TRIM58: variants seen among roughly 807,000 people sequenced by gnomAD.
The protein encoded by TRIM58 is E3 ubiquitin-protein ligase TRIM58.
Under a neutral mutation model 34.1 loss-of-function variants are expected in TRIM58, and 38 were observed. That is an observed-to-expected ratio of 1.12 (90% CI 0.86 to 1.46). TRIM58 has a LOEUF of 1.46. TRIM58 is among the 40% of genes most tolerant of loss of function. The pLI is 0.00. For synonymous variants in TRIM58, 273 were observed against 275.7 expected (o/e 0.99, Z 0.10); for missense variants, 677 against 642.0 (o/e 1.05, Z -0.59).
In TRIM58 at chr1:247,876,519, T is replaced by C; in HGVS notation, c.*30T>C. 6.4e-7 allele frequency: 1 copy of C among 1,566,014 alleles called. No individual in the cohort carries two copies. Among genetic ancestry groups the C allele is most frequent in the Non-Finnish European group, 8.7e-7 (1 of 1,146,790 alleles). Reference sequence around the variant, plus strand: ...CTGTTCCCAAGATGCAGTCCTAGCGTAGCGAACGTTCCTGGAGTGGGGTGA... The same window carrying C: ...CTGTTCCCAAGATGCAGTCCTAGCGCAGCGAACGTTCCTGGAGTGGGGTGA... On this transcript the variant is annotated 3_prime_UTR_variant, in exon 6 of 6. Coordinates refer to ENST00000366481, the MANE Select transcript of TRIM58 (RefSeq NM_015431.4).
In TRIM58 at chr1:247,868,071, C is replaced by T. The variant is rs1209410042; in HGVS notation, c.871+8C>T. 1 of 1,594,704 alleles carries T rather than the reference C, an allele frequency of 6.3e-7. No individual in the cohort carries two copies. The highest frequency in any genetic ancestry group is 1.3e-5 in the African/African-American group (1 of 74,804). On this transcript the variant is annotated splice_region_variant and intron_variant, in intron 5 of 5. Transcript: ENST00000366481. ...TCTTAAGGAAGTTCCAAGGTAGTTG[C>T]ATCTTAGAGACTGGGAATTAGGCTG...
intron 2 of TRIM58, among the ~76,000 whole-genome samples, chr1:247,862,264 G>A (rs1271307505): frequency 6.6e-6 from 1 of 152,154 alleles, no homozygotes; most frequent in Non-Finnish European, 1.5e-5. Flanking sequence ...TTACTCAGAT[G>A]TGTGAAGAAA....
At chr1:247,863,289 C>T (rs573356345) in intron 2 of TRIM58, among the ~76,000 whole-genome samples, 4 of 152,270 alleles carry the variant, frequency 2.6e-5, no homozygotes, top group East Asian at 3.9e-4. Flanking sequence ...CCTGTAATCC[C>T]AGCACTTTGG....
chr1:247,873,795 C>G (rs927718714), intron 5 of TRIM58, among the ~76,000 whole-genome samples: 24 of 152,102 alleles, frequency 1.6e-4, no homozygotes, highest in Admixed American at 1.2e-3. Context: ...TGGCAAAACC[C>G]CTTCTCTACA....
chr1:247,875,103 T>C (rs1030109997), intron 5 of TRIM58, among the ~76,000 whole-genome samples: 28 of 152,266 alleles, frequency 1.8e-4, no homozygotes, highest in African/African-American at 6.7e-4. Context: ...CAGAGAAAAC[T>C]TTCTGATTTT....
Position 247,878,382 on chromosome 1 carries a change from C to A in TRIM58, c.*1893C>A, listed in dbSNP as rs1006252304. On this transcript the variant is annotated 3_prime_UTR_variant, in exon 6 of 6. Coordinates refer to ENST00000366481, the MANE Select transcript of TRIM58 (RefSeq NM_015431.4). Reference sequence around the variant, plus strand: ...CCAGGGAGATTTTTTCGACTGACATCTTTAACTTACCTTCCAATCATATTA... The same window carrying A: ...CCAGGGAGATTTTTTCGACTGACATATTTAACTTACCTTCCAATCATATTA... 6.6e-6 allele frequency among the ~76,000 whole-genome samples: 1 copy of A among 152,142 alleles called. No individual in the cohort carries two copies. The highest frequency in any genetic ancestry group is 1.5e-5 in the Non-Finnish European group (1 of 68,012).
chr1:247,868,168 C>G, intron 5 of TRIM58, 105 bp downstream of exon 5: 1 of 950,298 alleles, frequency 1.1e-6, no homozygotes, highest in Non-Finnish European at 1.6e-6. Context: ...GGGTTTGCCT[C>G]GTATTGTGGT....
At chr1:247,859,663 T>C (rs1663734511) in intron 1 of TRIM58, among the ~76,000 whole-genome samples, 1 of 152,050 alleles carries the variant, frequency 6.6e-6, no homozygotes, top group African/African-American at 2.4e-5. Context: ...CCAAGTTCCT[T>C]CTGACCTAAT....
chr1:247,870,207 C>G (rs1299644174), intron 5 of TRIM58, among the ~76,000 whole-genome samples: 4 of 152,154 alleles, frequency 2.6e-5, no homozygotes, highest in Admixed American at 2.6e-4. Flanking sequence ...AATGGGCATA[C>G]CAGGGTGCCA....
rs1265266911 is a variant in TRIM58 at position 247,877,487 on chromosome 1, CAGG to C, written c.*1001_*1003del. 1 of 151,806 alleles carries C rather than the reference CAGG, an allele frequency of 6.6e-6. No individual in the cohort carries two copies. Among genetic ancestry groups the C allele is most frequent in the Non-Finnish European group, 1.5e-5 (1 of 67,992 alleles). 9.4% of individuals were successfully genotyped at this position (151,806 alleles called of 1,614,324 possible). ...ATCCCAGCTATTCTGGAGGTGGAGA[CAGG>C]AGAATTGCTTGAACCCTGGAGGCGG... is the stretch of plus-strand genomic sequence containing the variant. On this transcript the variant is annotated 3_prime_UTR_variant, in exon 6 of 6. Transcript: ENST00000366481.
intron 3 of TRIM58, among the ~76,000 whole-genome samples, chr1:247,865,249 G>A (rs1276709104): frequency 6.6e-6 from 1 of 152,104 alleles, no homozygotes; most frequent in Non-Finnish European, 1.5e-5. Context: ...GGGCAACATA[G>A]CAAGACCCTG....
Position 247,876,169 on chromosome 1 carries a change from G to A in TRIM58, c.1141G>A (p.Val381Ile). The A allele has an allele frequency of 6.2e-7, 1 of 1,614,188 alleles. No individual in the cohort carries two copies. Among genetic ancestry groups the A allele is most frequent in the South Asian group, 1.1e-5 (1 of 91,082 alleles). ...GETTPSPENG[V>I]WALWLLKGNE... ...AACCACGCCATCTCCTGAGAATGGG[G>A]TCTGGGCCCTGTGGCTGCTGAAAGG... Residue 381 changes from valine (V) to isoleucine (I), a missense_variant, in exon 6 of 6, where the codon GTC becomes ATC. Coordinates refer to ENST00000366481, the MANE Select transcript of TRIM58 (RefSeq NM_015431.4).
intron 1 of TRIM58, among the ~76,000 whole-genome samples, chr1:247,859,065 A>G (rs569975341): frequency 1.3e-5 from 2 of 151,934 alleles, no homozygotes; most frequent in Admixed American, 1.3e-4. Context: ...CTAGTGTAAT[A>G]TTTCTAAAGG....
intron 1 of TRIM58, among the ~76,000 whole-genome samples, chr1:247,858,988 A>G (rs1467507016): frequency 2.6e-5 from 4 of 151,862 alleles, no homozygotes; most frequent in Non-Finnish European, 1.5e-5. Context: ...GCTGGTCTTG[A>G]ACTCCTGACC....
intron 2 of TRIM58, among the ~76,000 whole-genome samples, chr1:247,860,938 A>G (rs1352424003): frequency 6.6e-6 from 1 of 152,170 alleles, no homozygotes; most frequent in Non-Finnish European, 1.5e-5. Context: ...ATAATTAAAT[A>G]GCTTTGCTAG....
Position 247,876,522 on chromosome 1 carries a change from C to T in TRIM58, c.*33C>T, listed in dbSNP as rs755037588. On this transcript the variant is annotated 3_prime_UTR_variant, in exon 6 of 6. Transcript: ENST00000366481. ...TTCCCAAGATGCAGTCCTAGCGTAGCGAACGTTCCTGGAGTGGGGTGAAGG... is the reference window on the plus strand; with the variant it reads ...TTCCCAAGATGCAGTCCTAGCGTAGTGAACGTTCCTGGAGTGGGGTGAAGG... 46 of 1,556,768 alleles carry T rather than the reference C, an allele frequency of 3.0e-5. No homozygotes were observed. Among genetic ancestry groups the T allele is most frequent in the Middle Eastern group, 1.7e-4 (1 of 5,902 alleles).
Position 247,857,287 on chromosome 1 carries a change from C to T in TRIM58, c.41C>T (p.Ala14Val), listed in dbSNP as rs561568139. Residue 14 changes from alanine (A) to valine (V), a missense_variant, in exon 1 of 6, where the codon GCG (alanine) becomes GTG (valine). By Grantham distance (64) the Ala-to-Val change is moderately conservative (BLOSUM62 0). Coordinates refer to ENST00000366481, the MANE Select transcript of TRIM58 (RefSeq NM_015431.4). ...CCCGGGGAGCGGCTGCGCGAGGATGCGCGGTGCCCGGTGTGCCTGGATTTC... is the reference window on the plus strand; with the variant it reads ...CCCGGGGAGCGGCTGCGCGAGGATGTGCGGTGCCCGGTGTGCCTGGATTTC... ...APPGERLRED[A>V]RCPVCLDFLQ... 8.7e-6 allele frequency: 12 copies of T among 1,381,852 alleles called. No homozygotes were observed. Among genetic ancestry groups the T allele is most frequent in the African/African-American group, 6.0e-5 (4 of 67,074 alleles). 85.6% of individuals were successfully genotyped at this position (1,381,852 alleles called of 1,614,324 possible).
At chr1:247,866,241 A>T (rs1418366168) in intron 3 of TRIM58, among the ~76,000 whole-genome samples, 2 of 151,652 alleles carry the variant, frequency 1.3e-5, no homozygotes, top group Non-Finnish European at 2.9e-5. Flanking sequence ...CAGTGGTGTG[A>T]TCTTGGCTCA....
Position 247,864,731 on chromosome 1 carries a change from C to T in TRIM58, c.543C>T (p.Arg181=). ...WKEKVEMQRQ[R]FRLEFEKHRG... ...AGAAAGTGGAAATGCAGAGGCAGCG[C>T]TTCAGATTGGAGTTTGAGAAGCATC... The change falls in exon 3 of 6, where the codon CGC becomes CGT. Residue 181 remains arginine (R), a synonymous_variant. Transcript: ENST00000366481. 6.2e-7 allele frequency: 1 copy of T among 1,614,178 alleles called. No homozygotes were observed. The highest frequency in any genetic ancestry group is 8.5e-7 in the Non-Finnish European group (1 of 1,180,046).
Sources: gnomAD v4.1 joint callset for allele counts (sites outside exome capture counted in the v4.1 genomes callset) on GRCh38, gnomAD v4.1.1 for gene constraint, MANE v1.5 for transcripts, NCBI Gene and HGNC (gene_info 2026-07-23, HGNC 2026-07-21) for gene names.